DCC: variants seen among roughly 807,000 people sequenced by gnomAD.
The protein encoded by DCC is DCC netrin 1 receptor.
A neutral mutation model predicts 172.5 loss-of-function variants in DCC; 58 were observed. The ratio of observed to expected loss-of-function variants is 0.34; its 90% CI spans 0.27 to 0.42. The LOEUF (loss-of-function observed/expected upper bound fraction) is 0.42, where lower values mean the gene tolerates loss of function less well. Among genes scored for constraint, DCC ranks in the 10% least tolerant of loss-of-function variants. DCC has a pLI of 1.00. For missense variants in DCC, 1,740 were observed against 1,791.0 expected (o/e 0.97, Z 0.51); for synonymous variants, 709 against 644.5 (o/e 1.10, Z -1.52).
chr18:52,553,591 G>A (rs1418255610), intron 1 of DCC, among the ~76,000 whole-genome samples: 1 of 151,986 alleles, frequency 6.6e-6, no homozygotes. Context: ...AGAATACAAA[G>A]ATGAATGAGT....
Position 53,338,447 on chromosome 18 carries a change from C to A in DCC, c.2165-1266C>A, listed in dbSNP as rs554499020. On this transcript the variant is annotated intron_variant, in intron 14 of 28. Coordinates refer to ENST00000442544, the MANE Select transcript of DCC (RefSeq NM_005215.4). ...TGAAACCCCGTCTCTACTAAAAATA[C>A]AAAAATTAGCCAAATGTGGTGGCAG... 3.3e-5 allele frequency among the ~76,000 whole-genome samples: 5 copies of A among 152,198 alleles called. No homozygotes were observed. In the South Asian group the frequency reaches 8.3e-4, roughly 25 times the overall value.
intron 7 of DCC, among the ~76,000 whole-genome samples, chr18:53,128,870 C>CACACACACATAT (rs1300738812): frequency 7.7e-5 from 6 of 77,478 alleles, no homozygotes; most frequent in African/African-American, 3.1e-4. Context: ...CACACACACA[C>CACACACACATAT]ATATATATAT....
chr18:52,340,764 G>T lies in DCC; in HGVS notation c.-24G>T, dbSNP rs1437805027. The T allele has an allele frequency of 9.4e-6, 15 of 1,597,250 alleles. No individual in the cohort carries two copies. The highest frequency in any genetic ancestry group is 4.0e-5 in the African/African-American group (3 of 74,546). On this transcript the variant is annotated 5_prime_UTR_variant, in exon 1 of 29. Coordinates refer to ENST00000442544, the MANE Select transcript of DCC (RefSeq NM_005215.4). ...AGTGCTGCCGCTGCCCGCGACCCCT[G>T]GCCCCGAAGGTGTTGGCTGAAATAT... is the stretch of plus-strand genomic sequence containing the variant.
chr18:52,620,699 T>C (rs2034462185), intron 1 of DCC, among the ~76,000 whole-genome samples: 1 of 152,200 alleles, frequency 6.6e-6, no homozygotes, highest in Non-Finnish European at 1.5e-5. Flanking sequence ...TGGACCCTCT[T>C]TGCAGTTTTC....
intron 5 of DCC, among the ~76,000 whole-genome samples, chr18:53,012,882 GA>G (rs1184264656): frequency 2.0e-5 from 3 of 151,784 alleles, no homozygotes; most frequent in Non-Finnish European, 2.9e-5. Flanking sequence ...AAATTTACAT[GA>G]AAAAAATGCC....
At chr18:53,390,467 A>C (rs777868829) in intron 16 of DCC, among the ~76,000 whole-genome samples, 2 of 152,144 alleles carry the variant, frequency 1.3e-5, no homozygotes, top group Non-Finnish European at 2.9e-5. Context: ...TAAACCCTGT[A>C]TTATGCTGCT....
At chr18:52,604,066 A>G (rs920990064) in intron 1 of DCC, among the ~76,000 whole-genome samples, 19 of 152,034 alleles carry the variant, frequency 1.2e-4, no homozygotes, top group African/African-American at 4.6e-4. Flanking sequence ...GATGATAAGT[A>G]GAAAAGTTCT....
intron 1 of DCC, among the ~76,000 whole-genome samples, chr18:52,607,763 T>C (rs2144830263): frequency 6.6e-6 from 1 of 152,216 alleles, no homozygotes; most frequent in Admixed American, 6.5e-5. Flanking sequence ...CTATGACAAT[T>C]TGATATCAAT....
intron 1 of DCC, among the ~76,000 whole-genome samples, chr18:52,368,701 A>C (rs752482318): frequency 6.6e-6 from 1 of 152,148 alleles, no homozygotes; most frequent in African/African-American, 2.4e-5. Flanking sequence ...TTCTTTCTCC[A>C]TAGCTCCCAC....
chr18:52,535,740 G>T (rs547242969), intron 1 of DCC, among the ~76,000 whole-genome samples: 1 of 152,110 alleles, frequency 6.6e-6, no homozygotes, highest in East Asian at 1.9e-4. Flanking sequence ...AATATATTCT[G>T]AGAAAACTGA....
chr18:52,427,839 C>CCTTT (rs1987488832), intron 1 of DCC, among the ~76,000 whole-genome samples: 1 of 52,982 alleles, frequency 1.9e-5, no homozygotes, highest in East Asian at 1.4e-3. Context: ...TTCCTTTCTT[C>CCTTT]CTTCCTTCCT....
At chr18:53,346,553 C>A (rs1399895706) in intron 15 of DCC, among the ~76,000 whole-genome samples, 2 of 151,700 alleles carry the variant, frequency 1.3e-5, no homozygotes, top group Admixed American at 6.6e-5. Flanking sequence ...TCCTTCATTA[C>A]CTCTATCTCA....
At chr18:52,851,963 A>C (rs897836479) in intron 2 of DCC, among the ~76,000 whole-genome samples, 1 of 152,144 alleles carries the variant, frequency 6.6e-6, no homozygotes, top group African/African-American at 2.4e-5. Context: ...AGAACATTGA[A>C]TATAGCTTTA....
chr18:52,783,323 CTT>C (rs374129823), intron 2 of DCC, among the ~76,000 whole-genome samples: 15 of 59,228 alleles, frequency 2.5e-4, no homozygotes, highest in Middle Eastern at 9.1e-3. Flanking sequence ...TACTACTACT[CTT>C]TTTTTTTTTT....
chr18:52,899,349 T>C (rs1169075342), intron 2 of DCC, among the ~76,000 whole-genome samples: 1 of 60,308 alleles, frequency 1.7e-5, no homozygotes, highest in Non-Finnish European at 4.9e-5. Flanking sequence ...TTTCCTTTTT[T>C]TTTTTTTTTT....
chr18:53,179,966 A>T (rs1031756264), intron 9 of DCC, among the ~76,000 whole-genome samples: 1 of 152,216 alleles, frequency 6.6e-6, no homozygotes. Context: ...TTTCCTTTTT[A>T]TATAACAAAA....
At chr18:53,088,187 C>T (rs1423711555) in intron 7 of DCC, among the ~76,000 whole-genome samples, 2 of 152,156 alleles carry the variant, frequency 1.3e-5, no homozygotes, top group Admixed American at 6.5e-5. Flanking sequence ...TATAAATTTC[C>T]TTGGGCAGTA....
At chr18:52,393,269 C>T (rs547294962) in intron 1 of DCC, among the ~76,000 whole-genome samples, 11 of 152,140 alleles carry the variant, frequency 7.2e-5, no homozygotes, top group South Asian at 4.1e-4. Context: ...TTGGACCATA[C>T]GGAATCTCAT....
At chr18:52,848,057 A>C (rs1403669502) in intron 2 of DCC, among the ~76,000 whole-genome samples, 3 of 151,712 alleles carry the variant, frequency 2.0e-5, no homozygotes, top group Non-Finnish European at 4.4e-5. Flanking sequence ...AAAACAGGAA[A>C]AGGTTCATTG....
Sources: gnomAD v4.1 joint callset for allele counts (sites outside exome capture counted in the v4.1 genomes callset) on GRCh38, gnomAD v4.1.1 for gene constraint, MANE v1.5 for transcripts, NCBI Gene and HGNC (gene_info 2026-07-23, HGNC 2026-07-21) for gene names.